SLIT1: variants seen among roughly 807,000 people sequenced by gnomAD.
SLIT1 encodes the protein slit guidance ligand 1, also known as slit homolog 1 protein.
SLIT1 carries 66 observed loss-of-function variants against 186.1 expected under a neutral mutation model. The ratio of observed to expected loss-of-function variants is 0.35; its 90% CI spans 0.29 to 0.44. SLIT1 has a LOEUF of 0.44. SLIT1 is among the 20% of genes least tolerant of loss of function. The pLI is 1.00. For synonymous variants in SLIT1, 761 were observed against 833.8 expected, an observed-to-expected ratio of 0.91 and a Z score of 1.50; for missense variants, 1,638 against 2,037.4, an observed-to-expected ratio of 0.80 and a Z score of 3.77.
chr10:97,068,648 T>C lies in SLIT1; in HGVS notation c.414-2562A>G, dbSNP rs1195271065. On this transcript the variant is annotated intron_variant, in intron 4 of 36. Transcript: ENST00000266058. This position sits in a 1 kb window ranked among gnomAD's most constrained non-coding sequence, Gnocchi z 4.2. ...CGTCCCACCTGCTATCCCTGAGGCA[T>C]CTCCCCTTCTTGTGGGGGAAGCTTC... Among the ~76,000 whole-genome samples, 1 of 152,138 alleles carries C rather than the reference T, an allele frequency of 6.6e-6. No individual in the cohort carries two copies. The highest frequency in any genetic ancestry group is 1.5e-5 in the Non-Finnish European group (1 of 68,016).
chr10:97,141,648 CATTGT>C (rs1237506150), intron 4 of SLIT1, among the ~76,000 whole-genome samples: 52 of 150,808 alleles, frequency 3.4e-4, no homozygotes, highest in South Asian at 2.3e-3. Flanking sequence ...CACTGTATTG[CATTGT>C]ATTGTATTGC....
intron 25 of SLIT1, among the ~76,000 whole-genome samples, chr10:97,030,191 C>T (rs922646253): frequency 6.6e-6 from 1 of 152,118 alleles, no homozygotes; most frequent in African/African-American, 2.4e-5. Flanking sequence ...AGGAATCAAG[C>T]CCACTGCTTT....
At chr10:97,130,529 C>T (rs568560132) in intron 4 of SLIT1, among the ~76,000 whole-genome samples, 1 of 152,322 alleles carries the variant, frequency 6.6e-6, no homozygotes, top group South Asian at 2.1e-4. Context: ...TGTATGATCT[C>T]ACTTATCCAA....
intron 13 of SLIT1, among the ~76,000 whole-genome samples, chr10:97,052,247 CCACCA>C (rs1848796212): frequency 6.6e-6 from 1 of 151,894 alleles, no homozygotes; most frequent in Admixed American, 6.6e-5. Flanking sequence ...CAGGCATGCA[CCACCA>C]CACCTGGCTA....
At chr10:97,090,460 G>A (rs1384442824) in intron 4 of SLIT1, among the ~76,000 whole-genome samples, 2 of 152,210 alleles carry the variant, frequency 1.3e-5, no homozygotes, top group Non-Finnish European at 2.9e-5. Flanking sequence ...ACTGGGTCAC[G>A]GAGAGCCTCG....
At chr10:97,091,856 C>T in intron 4 of SLIT1, among the ~76,000 whole-genome samples, 1 of 152,196 alleles carries the variant, frequency 6.6e-6, no homozygotes, top group East Asian at 1.9e-4. Context: ...TTGAAAAGAG[C>T]CTTAGAAATG....
In SLIT1 at chr10:97,000,422, G is replaced by A. The variant is rs1418120562; in HGVS notation, c.*690C>T. On this transcript the variant is annotated 3_prime_UTR_variant, in exon 37 of 37. Coordinates refer to ENST00000266058, the MANE Select transcript of SLIT1 (RefSeq NM_003061.3). ...CTCCACATAAGCCCTCGCAGCTACA[G>A]TAGTCATGCTAGAACTTTAGGATTC... 1 of 152,370 alleles carries A rather than the reference G, an allele frequency of 6.6e-6. No individual in the cohort carries two copies. The highest frequency in any genetic ancestry group is 2.4e-5 in the African/African-American group (1 of 41,478). The allele number at this position is 152,370 out of a possible 1,614,324, so 9.4% of individuals were successfully genotyped here. A position where few individuals can be genotyped will look rare whatever the true frequency, so the allele number is the denominator to read the frequency against.
At chr10:97,154,596 C>T (rs1377397991) in intron 4 of SLIT1, 1 of 152,204 alleles carries the variant, frequency 6.6e-6, no homozygotes, top group African/African-American at 2.4e-5. Flanking sequence ...AACACCCCCC[C>T]AAAGGGCTAC....
chr10:97,119,913 G>GCATATATATATA (rs1554852185), intron 4 of SLIT1, among the ~76,000 whole-genome samples: 4 of 56,510 alleles, frequency 7.1e-5, no homozygotes, highest in African/African-American at 1.1e-4. Flanking sequence ...TTCCAAAGGG[G>GCATATATATATA]TATATATATA....
intron 4 of SLIT1, among the ~76,000 whole-genome samples, chr10:97,106,407 C>CGAACGAATGAATGAAT (rs1554851567): frequency 1.4e-3 from 107 of 74,142 alleles, no homozygotes; most frequent in African/African-American, 3.5e-3. Context: ...AATGAATGAA[C>CGAACGAATGAATGAAT]GAATGAATGA....
Position 97,043,133 on chromosome 10 carries a change from T to G in SLIT1, c.1998-66A>C. On this transcript the variant is annotated intron_variant, in intron 19 of 36. Transcript: ENST00000266058. The surrounding 1 kb of genome is among the most constrained non-coding windows in gnomAD (Gnocchi z 7.0). ...CCTCTCAGAGGTCCCAGCAAACCCCTCCTGTACCACGGACACAGGGCCACA... is the reference window on the plus strand; with the variant it reads ...CCTCTCAGAGGTCCCAGCAAACCCCGCCTGTACCACGGACACAGGGCCACA... 3 of 1,542,020 alleles carry G rather than the reference T, an allele frequency of 1.9e-6. No individual in the cohort carries two copies. Among genetic ancestry groups the G allele is most frequent in the Non-Finnish European group, 2.6e-6 (3 of 1,132,430 alleles).
chr10:97,052,829 ATAATAGTACCTGATAG>A (rs1210664775), intron 13 of SLIT1, among the ~76,000 whole-genome samples: 3 of 152,242 alleles, frequency 2.0e-5, no homozygotes, highest in Admixed American at 1.3e-4. Context: ...TGAGGTTGTA[ATAATAGTACCTGATAG>A]TACCTTGGAT....
rs1850376822 is a variant in SLIT1, at chr10:97,184,018, C to CCCCACACA, written c.197+1459_197+1460insTGTGTGGG. 7.0e-6 allele frequency among the ~76,000 whole-genome samples: 1 copy of CCCCACACA among 142,476 alleles called. No homozygotes were observed. The highest frequency in any genetic ancestry group is 2.3e-4 in the South Asian group (1 of 4,268). 93.5% of individuals were successfully genotyped at this position (142,476 alleles called of 152,430 possible). A position where few individuals can be genotyped will look rare whatever the true frequency, so the allele number is the denominator to read the frequency against. ...ATTCACACACACACATACACATGCA[C>CCCCACACA]CACACACACACACACACACACACAC... On this transcript the variant is annotated intron_variant, in intron 1 of 36. Coordinates refer to ENST00000266058, the MANE Select transcript of SLIT1 (RefSeq NM_003061.3). The surrounding 1 kb of genome is among the most constrained non-coding windows in gnomAD (Gnocchi z 4.4).
intron 4 of SLIT1, among the ~76,000 whole-genome samples, chr10:97,096,121 G>C (rs1489215142): frequency 6.6e-6 from 1 of 152,148 alleles, no homozygotes; most frequent in Non-Finnish European, 1.5e-5. Flanking sequence ...GGTGTGCCAG[G>C]CACTCTGATT....
intron 2 of SLIT1, 148 bp downstream of exon 2, chr10:97,164,671 C>G: frequency 7.5e-6 from 5 of 669,760 alleles, no homozygotes; most frequent in Non-Finnish European, 1.1e-5. Flanking sequence ...ATCACCCCAC[C>G]CGACACCCCT....
At chr10:97,029,657 T>C (rs1848574704) in intron 25 of SLIT1, among the ~76,000 whole-genome samples, 1 of 152,254 alleles carries the variant, frequency 6.6e-6, no homozygotes, top group African/African-American at 2.4e-5. Context: ...TTTGCCACTT[T>C]CAACATTTTA....
chr10:97,149,783 C>T lies in SLIT1; in HGVS notation c.413+8035G>A, dbSNP rs12258069. Among the ~76,000 whole-genome samples the T allele has an allele frequency of 6.6e-3, 1,007 of 152,244 alleles. 4 individuals carry two copies. The highest frequency in any genetic ancestry group is 0.021 in the African/African-American group (867 of 41,532). On this transcript the variant is annotated intron_variant, in intron 4 of 36. Coordinates refer to ENST00000266058, the MANE Select transcript of SLIT1 (RefSeq NM_003061.3). ...CAGCTCTGATTCTTACTGTCTGAGA[C>T]TTCCGCAAGTTACTTAATACTAGGC...
chr10:97,009,654 T>C (rs1188560662), intron 31 of SLIT1, among the ~76,000 whole-genome samples: 1 of 152,190 alleles, frequency 6.6e-6, no homozygotes, highest in Non-Finnish European at 1.5e-5. Context: ...AAACTAGATA[T>C]ACCCAAATTA....
intron 26 of SLIT1, among the ~76,000 whole-genome samples, chr10:97,020,657 TC>T (rs1031716540): frequency 1.3e-5 from 2 of 152,070 alleles, no homozygotes; most frequent in African/African-American, 4.8e-5. Flanking sequence ...TCCAGTGTCC[TC>T]CCCCCGCTGT....
Sources: gnomAD v4.1 joint callset for allele counts (sites outside exome capture counted in the v4.1 genomes callset) on GRCh38, gnomAD v4.1.1 for gene constraint, Gnocchi (gnomAD v3.1) non-coding constraint, MANE v1.5 for transcripts, NCBI Gene and HGNC (gene_info 2026-07-23, HGNC 2026-07-21) for gene names.